Variants in DSCAML1 observed in about 807,000 individuals in gnomAD.
DSCAML1 encodes the protein cell adhesion molecule DSCAML1.
A neutral mutation model predicts 200.5 loss-of-function variants in DSCAML1; 38 were observed. The observed-to-expected ratio is 0.19, with a 90% confidence interval of 0.15 to 0.25. The LOEUF is 0.25. DSCAML1 is among the 10% of genes least tolerant of loss of function. The pLI is 1.00. For synonymous variants in DSCAML1, 1,215 were observed against 1,165.0 expected (o/e 1.04, Z -0.87); for missense variants, 2,223 against 2,858.8 (o/e 0.78, Z 5.07).
intron 3 of DSCAML1, chr11:117,611,139 T>G (rs781250850): frequency 2.6e-5 from 4 of 152,202 alleles, no homozygotes; most frequent in Admixed American, 2.6e-4. Context: ...CATGTCAGCC[T>G]CCTCAGGGAG....
At chr11:117,432,312 C>A in intron 30 of DSCAML1, 40 bp downstream of exon 30, 1 of 1,580,622 alleles carries the variant, frequency 6.3e-7, no homozygotes, top group Non-Finnish European at 8.6e-7. Flanking sequence ...CAAGCCACCC[C>A]GGTTGGGAAA....
intron 21 of DSCAML1, among the ~76,000 whole-genome samples, chr11:117,442,360 G>A (rs890842483): frequency 1.3e-5 from 2 of 151,904 alleles, no homozygotes; most frequent in Admixed American, 1.3e-4. Context: ...ATGTGTGTAT[G>A]CATATATTAG....
rs200261504 is a variant in DSCAML1 at position 117,797,208 on chromosome 11, C to A, written c.-129G>T. 3,182 of 1,504,320 alleles carry A rather than the reference C, an allele frequency of 2.1e-3. 26 individuals are homozygous for A. Among genetic ancestry groups the A allele is most frequent in the Non-Finnish European group, 1.5e-3 (1,715 of 1,127,278 alleles). 93.2% of individuals were successfully genotyped at this position (1,504,320 alleles called of 1,614,324 possible). A position where few individuals can be genotyped will look rare whatever the true frequency, so the allele number is the denominator to read the frequency against. On this transcript the variant is annotated 5_prime_UTR_variant, in exon 1 of 33. Transcript: ENST00000651296. ...CCGCTCTCTCTGCTCCTCAGCCCAG[C>A]GCTCGGCTGCGGCGGCGGCTCCTCC...
intron 11 of DSCAML1, among the ~76,000 whole-genome samples, chr11:117,497,073 GC>G (rs2049302895): frequency 6.6e-6 from 1 of 152,180 alleles, no homozygotes; most frequent in Non-Finnish European, 1.5e-5. Flanking sequence ...GAATGCTGGG[GC>G]CTGGAACTGG....
At chr11:117,669,190 G>A (rs1485956021) in intron 3 of DSCAML1, among the ~76,000 whole-genome samples, 1 of 152,232 alleles carries the variant, frequency 6.6e-6, no homozygotes, top group Non-Finnish European at 1.5e-5. Context: ...AAAGGAGAAA[G>A]CCAAAGGGCT....
chr11:117,814,322 T>C (rs10892176), intron 1 of DSCAML1, among the ~76,000 whole-genome samples: 66,654 of 152,120 alleles, frequency 0.44, 15,326 homozygotes, highest in African/African-American at 0.58. Flanking sequence ...TTCACACGGA[T>C]GCGCATGAAA....
intron 3 of DSCAML1, among the ~76,000 whole-genome samples, chr11:117,614,304 G>A (rs2051764907): frequency 6.6e-6 from 1 of 152,072 alleles, no homozygotes; most frequent in South Asian, 2.1e-4. Flanking sequence ...AATGACAATC[G>A]TGCAACAGCC....
At position 117,650,875 on chromosome 11, in the gene DSCAML1, T is replaced by C. The variant is rs375770985; in HGVS notation, c.512-118353A>G. Among the ~76,000 whole-genome samples, 4 of 152,192 alleles carry C rather than the reference T, an allele frequency of 2.6e-5. No individual in the cohort carries two copies. In the South Asian group the frequency reaches 8.3e-4, roughly 32 times the overall value. ...GAACCCTGTGGTGCCTGGGCCTGAG[T>C]TGGTTCAGAATCACCCAAACAGGCC... On this transcript the variant is annotated intron_variant, in intron 3 of 32. Coordinates refer to ENST00000651296, the MANE Select transcript of DSCAML1 (RefSeq NM_020693.4).
At chr11:117,439,016 A>G in intron 23 of DSCAML1, 33 bp from the exon 24 acceptor site, 1 of 1,571,926 alleles carries the variant, frequency 6.4e-7, no homozygotes, top group Non-Finnish European at 8.6e-7. Context: ...CCTTAGCACA[A>G]GGGCGGACCC....
chr11:117,793,880 C>T (rs1591517432), intron 1 of DSCAML1, among the ~76,000 whole-genome samples: 2 of 152,286 alleles, frequency 1.3e-5, no homozygotes, highest in African/African-American at 4.8e-5. Context: ...AAAGGCTTGT[C>T]GGGCATCATG....
At chr11:117,726,850 A>G (rs1295060343) in intron 3 of DSCAML1, among the ~76,000 whole-genome samples, 2 of 152,098 alleles carry the variant, frequency 1.3e-5, no homozygotes, top group Non-Finnish European at 2.9e-5. Context: ...TGGGAACTGC[A>G]GGGGAGCATA....
Position 117,465,137 on chromosome 11 carries a change from T to G in DSCAML1, c.3070A>C (p.Ile1024Leu), listed in dbSNP as rs369157427. The change falls in exon 17 of 33, where the codon ATT becomes CTT. Residue 1024 changes from isoleucine to leucine, a missense_variant. This residue lies in a region of DSCAML1 where 438 missense variants were observed against 629.7 expected (regional missense o/e 0.70). Transcript: ENST00000651296. ...LQNGVIRGYQ[I>L]GYRENSPGSN... The stretch of plus-strand genomic sequence containing the variant: ...CCGGGGCTGTTCTCTCTGTAGCCAA[T>G]CTGGTAGCCCCGGATGACACCGTTC... The G allele has an allele frequency of 6.2e-7, 1 of 1,613,954 alleles. No homozygotes were observed. Among genetic ancestry groups the G allele is most frequent in the African/African-American group, 1.3e-5 (1 of 74,888 alleles).
intron 1 of DSCAML1, among the ~76,000 whole-genome samples, chr11:117,792,562 T>A (rs890608110): frequency 6.6e-6 from 1 of 150,652 alleles, no homozygotes; most frequent in African/African-American, 2.4e-5. Flanking sequence ...ATCTTTCATC[T>A]CTCTGAAGCC....
chr11:117,643,373 CT>C (rs2052450970), intron 3 of DSCAML1, among the ~76,000 whole-genome samples: 3 of 152,290 alleles, frequency 2.0e-5, no homozygotes, highest in Admixed American at 2.0e-4. Context: ...TACTATCCCC[CT>C]GTAAACATTC....
intron 24 of DSCAML1, 127 bp downstream of exon 24, chr11:117,438,758 G>T: frequency 1.2e-6 from 1 of 859,410 alleles, no homozygotes; most frequent in Non-Finnish European, 1.7e-6. Flanking sequence ...ACTTCCTTGT[G>T]GGTCACTTGG....
At chr11:117,712,631 C>T (rs968280499) in intron 3 of DSCAML1, among the ~76,000 whole-genome samples, 3 of 152,078 alleles carry the variant, frequency 2.0e-5, no homozygotes, top group Non-Finnish European at 2.9e-5. Context: ...TATTAAAGCA[C>T]GCGCACGCCG....
In DSCAML1 at chr11:117,535,530, C is replaced by T. The variant is rs189644430; in HGVS notation, c.512-3008G>A. 2.2e-3 allele frequency among the ~76,000 whole-genome samples: 332 copies of T among 152,324 alleles called. 1 individual carries two copies. The highest frequency in any genetic ancestry group is 7.5e-3 in the African/African-American group (312 of 41,574). ...TGAGGACGAGAAGGAAGGTGGAGGG[C>T]GCCAAGCCCTGCAGCTGGCTGTCAG... On this transcript the variant is annotated intron_variant, in intron 3 of 32. Coordinates refer to ENST00000651296, the MANE Select transcript of DSCAML1 (RefSeq NM_020693.4).
intron 3 of DSCAML1, among the ~76,000 whole-genome samples, chr11:117,581,200 A>T (rs542687772): frequency 6.6e-6 from 1 of 152,174 alleles, no homozygotes; most frequent in Admixed American, 6.5e-5. Flanking sequence ...GGTAATGATA[A>T]TAATATAAGT....
At chr11:117,685,842 C>T (rs547461804) in intron 3 of DSCAML1, among the ~76,000 whole-genome samples, 1 of 152,262 alleles carries the variant, frequency 6.6e-6, no homozygotes, top group South Asian at 2.1e-4. Flanking sequence ...AGGATGACTG[C>T]TAGCAGTGGT....
Sources: allele counts gnomAD v4.1 joint callset (sites outside exome capture counted in the v4.1 genomes callset), GRCh38; gene constraint gnomAD v4.1.1; regional missense constraint gnomAD v4.1.1; transcripts MANE v1.5; gene names NCBI Gene and HGNC (gene_info 2026-07-23, HGNC 2026-07-21).